Variants in SLC39A11 observed in about 807,000 individuals in gnomAD.
SLC39A11 encodes the protein solute carrier family 39 member 11, also known as zinc transporter ZIP11.
Under a neutral mutation model 36.1 loss-of-function variants are expected in SLC39A11, and 33 were observed. The ratio of observed to expected loss-of-function variants is 0.91; its 90% CI spans 0.69 to 1.22. The LOEUF (loss-of-function observed/expected upper bound fraction) is 1.22. SLC39A11 is among the 50% of genes most tolerant of loss of function. The pLI is 0.00. For missense variants in SLC39A11, 432 were observed against 430.3 expected, an observed-to-expected ratio of 1.00 and a Z score of -0.03; for synonymous variants, 166 against 170.3, an observed-to-expected ratio of 0.97 and a Z score of 0.20.
At chr17:72,698,110 G>A (rs1187247974) in intron 7 of SLC39A11, among the ~76,000 whole-genome samples, 2 of 152,224 alleles carry the variant, frequency 1.3e-5, no homozygotes, top group Non-Finnish European at 2.9e-5. Context: ...ACAGATCATA[G>A]CTGGCTGGAG....
At chr17:72,805,431 G>C (rs1467999361) in intron 6 of SLC39A11, among the ~76,000 whole-genome samples, 1 of 152,222 alleles carries the variant, frequency 6.6e-6, no homozygotes, top group African/African-American at 2.4e-5. Context: ...GGCTGCAGGA[G>C]ACACCACTTG....
chr17:72,691,199 T>A (rs1478462255), intron 7 of SLC39A11, among the ~76,000 whole-genome samples: 1 of 152,124 alleles, frequency 6.6e-6, no homozygotes, highest in African/African-American at 2.4e-5. Flanking sequence ...AGAAGTGCAA[T>A]CCTCACAGAT....
At chr17:72,916,719 A>C (rs62069604) in intron 5 of SLC39A11, among the ~76,000 whole-genome samples, 22,053 of 152,060 alleles carry the variant, frequency 0.15, 1,931 homozygotes, top group Non-Finnish European at 0.2. Flanking sequence ...CTGAAGCCAC[A>C]TTCCTGGGTC....
intron 7 of SLC39A11, among the ~76,000 whole-genome samples, chr17:72,662,599 AAAG>A (rs1567917996): frequency 7.0e-6 from 1 of 142,818 alleles, no homozygotes; most frequent in East Asian, 2.0e-4. Context: ...AAAGGAAAGA[AAAG>A]GAAGGAAGGA....
At chr17:72,781,938 G>C (rs1462761238) in intron 6 of SLC39A11, among the ~76,000 whole-genome samples, 1 of 151,624 alleles carries the variant, frequency 6.6e-6, no homozygotes, top group African/African-American at 2.4e-5. Context: ...CACTGTAGTG[G>C]GTTGAACTGT....
intron 4 of SLC39A11, among the ~76,000 whole-genome samples, chr17:73,006,908 T>C (rs960194401): frequency 6.6e-6 from 1 of 152,160 alleles, no homozygotes; most frequent in African/African-American, 2.4e-5. Flanking sequence ...GCCTCGAGGA[T>C]TCAATGATGA....
intron 7 of SLC39A11, among the ~76,000 whole-genome samples, chr17:72,662,870 T>C (rs1461152552): frequency 6.6e-6 from 1 of 152,174 alleles, no homozygotes; most frequent in Non-Finnish European, 1.5e-5. Flanking sequence ...GGGAGTGCTG[T>C]TATTCATGGC....
At chr17:72,959,783 C>T (rs544422349) in intron 4 of SLC39A11, among the ~76,000 whole-genome samples, 3 of 152,174 alleles carry the variant, frequency 2.0e-5, no homozygotes, top group Admixed American at 1.3e-4. Context: ...TCAAAAATCA[C>T]AAAAACTATT....
chr17:73,009,936 G>A (rs2090418769), intron 4 of SLC39A11, among the ~76,000 whole-genome samples: 1 of 150,442 alleles, frequency 6.6e-6, no homozygotes, highest in Non-Finnish European at 1.5e-5. Context: ...CCTACCCTGT[G>A]TCCAAGTGTT....
At chr17:72,897,945 G>A (rs957613513) in intron 5 of SLC39A11, among the ~76,000 whole-genome samples, 1 of 152,072 alleles carries the variant, frequency 6.6e-6, no homozygotes, top group Non-Finnish European at 1.5e-5. Flanking sequence ...AAAAGCAACA[G>A]GTACAGGACG....
intron 6 of SLC39A11, among the ~76,000 whole-genome samples, chr17:72,837,283 TA>T (rs1216906152): frequency 2.6e-5 from 4 of 151,594 alleles, no homozygotes; most frequent in Non-Finnish European, 5.9e-5. Context: ...AAAACAACTT[TA>T]TTTTTCTCCT....
chr17:72,732,772 A>G (rs9895372), intron 7 of SLC39A11, among the ~76,000 whole-genome samples: 1 of 150,666 alleles, frequency 6.6e-6, no homozygotes, highest in Non-Finnish European at 1.5e-5. Context: ...TAAGGACTTT[A>G]TGTTTGTTCC....
chr17:72,945,904 G>A (rs2085402922), intron 5 of SLC39A11, among the ~76,000 whole-genome samples: 1 of 152,118 alleles, frequency 6.6e-6, no homozygotes, highest in African/African-American at 2.4e-5. Context: ...TGAATTCACT[G>A]TACCACCTTC....
intron 3 of SLC39A11, among the ~76,000 whole-genome samples, chr17:73,047,992 T>A (rs8079159): frequency 0.054 from 2,494 of 46,296 alleles, 54 homozygotes; most frequent in East Asian, 0.089. Context: ...AAAAAAAAAA[T>A]ATATATATAT....
Position 73,058,351 on chromosome 17 carries a change from C to T in SLC39A11, c.147+26457G>A, listed in dbSNP as rs151026202. On this transcript the variant is annotated intron_variant, in intron 3 of 9. Transcript: ENST00000255559. ...AAAGAAAATATCCGCAGAGTAAATG[C>T]GGAAAAGATAGATAGGTCCTTGGAA... Among the ~76,000 whole-genome samples the T allele has an allele frequency of 2.8e-4, 43 of 152,218 alleles. No homozygotes were observed. The East Asian group carries it at 7.1e-3, about 25-fold the overall frequency.
At chr17:72,919,047 A>T (rs1386526281) in intron 5 of SLC39A11, among the ~76,000 whole-genome samples, 1 of 152,214 alleles carries the variant, frequency 6.6e-6, no homozygotes, top group East Asian at 1.9e-4. Context: ...TGGGTGACCC[A>T]GTGAGACTCT....
chr17:72,912,200 A>G (rs903953852), intron 5 of SLC39A11, among the ~76,000 whole-genome samples: 1 of 152,114 alleles, frequency 6.6e-6, no homozygotes, highest in African/African-American at 2.4e-5. Context: ...CTGAGCCCCA[A>G]TCTCCTCATC....
intron 5 of SLC39A11, among the ~76,000 whole-genome samples, chr17:72,876,536 G>A (rs897226623): frequency 1.1e-4 from 17 of 152,078 alleles, no homozygotes; most frequent in Admixed American, 5.2e-4. Flanking sequence ...AGTTACATTC[G>A]TCTTATCTGA....
intron 3 of SLC39A11, among the ~76,000 whole-genome samples, chr17:73,032,512 A>T (rs1264498609): frequency 6.6e-6 from 1 of 152,116 alleles, no homozygotes; most frequent in East Asian, 1.9e-4. Flanking sequence ...CAGCCCAAAA[A>T]ATCCTATTTT....
Sources: allele counts gnomAD v4.1 joint callset (sites outside exome capture counted in the v4.1 genomes callset), GRCh38; gene constraint gnomAD v4.1.1; transcripts MANE v1.5; gene names NCBI Gene and HGNC (gene_info 2026-07-23, HGNC 2026-07-21).